CACNA2D1: variants seen among roughly 807,000 people sequenced by gnomAD.
CACNA2D1 encodes the protein voltage-dependent calcium channel subunit alpha-2/delta-1.
A neutral mutation model predicts 171.5 loss-of-function variants in CACNA2D1; 53 were observed. The observed-to-expected ratio is 0.31, with a 90% confidence interval of 0.25 to 0.39. CACNA2D1 has a LOEUF of 0.39. Ranked by LOEUF, CACNA2D1 falls within the 10% of genes least tolerant of loss-of-function variation. The pLI, the probability that CACNA2D1 is intolerant of heterozygous loss-of-function variation, is 1.00. For synonymous variants in CACNA2D1, 442 were observed against 443.1 expected (o/e 1.00, Z 0.03); for missense variants, 903 against 1,299.8 (o/e 0.69, Z 4.69).
rs200606876 is a variant in CACNA2D1, at chr7:81,950,530, A to C, written c.3160-22T>G. 1.3e-4 allele frequency: 210 copies of C among 1,595,412 alleles called. 1 individual carries two copies. Among genetic ancestry groups the C allele is most frequent in the Admixed American group, 6.5e-4 (37 of 57,114 alleles). On this transcript the variant is annotated intron_variant, in intron 38 of 38. Coordinates refer to ENST00000356860, the MANE Select transcript of CACNA2D1 (RefSeq NM_000722.4). ...CCTCCTGTTGTTAAAAAAAAAAGAA[A>C]AGAACAGAAAAAGAAAAATCTAAAA...
intron 3 of CACNA2D1, among the ~76,000 whole-genome samples, chr7:82,241,471 G>A (rs1804273828): frequency 6.6e-6 from 1 of 152,146 alleles, no homozygotes; most frequent in Non-Finnish European, 1.5e-5. Context: ...CTGAGGAAAA[G>A]CCAATACCCC....
At chr7:82,216,751 G>C (rs1326084767) in intron 3 of CACNA2D1, among the ~76,000 whole-genome samples, 1 of 151,848 alleles carries the variant, frequency 6.6e-6, no homozygotes, top group Non-Finnish European at 1.5e-5. Context: ...ATGAATCCAA[G>C]AGGAAAGACC....
chr7:82,362,989 T>A (rs1021948039), intron 1 of CACNA2D1, among the ~76,000 whole-genome samples: 2 of 152,164 alleles, frequency 1.3e-5, no homozygotes, highest in Non-Finnish European at 2.9e-5. Context: ...AAAGAAATGA[T>A]GGTATAATTG....
In CACNA2D1 at chr7:81,948,302, T is replaced by C. The variant is rs1792202806; in HGVS notation, c.*2090A>G. On this transcript the variant is annotated 3_prime_UTR_variant, in exon 39 of 39. Coordinates refer to ENST00000356860, the MANE Select transcript of CACNA2D1 (RefSeq NM_000722.4). ...ATTGTTACTAGAGTGAGAAGTTTTTTTCCCCACATATATTTTAAATCACTT... is the reference window on the plus strand; with the variant it reads ...ATTGTTACTAGAGTGAGAAGTTTTTCTCCCCACATATATTTTAAATCACTT... 1 of 151,874 alleles carries C rather than the reference T, an allele frequency of 6.6e-6. No individual in the cohort carries two copies. Among genetic ancestry groups the C allele is most frequent in the Admixed American group, 6.6e-5 (1 of 15,230 alleles). 9.4% of individuals were successfully genotyped at this position (151,874 alleles called of 1,614,324 possible).
chr7:81,984,149 C>T (rs988379069), intron 22 of CACNA2D1, among the ~76,000 whole-genome samples: 1 of 151,980 alleles, frequency 6.6e-6, no homozygotes, highest in Admixed American at 6.6e-5. Flanking sequence ...AAGACCAGTG[C>T]AATTTAATTT....
intron 3 of CACNA2D1, among the ~76,000 whole-genome samples, chr7:82,281,120 C>T (rs1417224040): frequency 6.6e-6 from 1 of 152,124 alleles, no homozygotes; most frequent in Non-Finnish European, 1.5e-5. Context: ...TAATCAAGTC[C>T]TCCATAATTT....
chr7:82,240,378 C>T (rs969660581), intron 3 of CACNA2D1, among the ~76,000 whole-genome samples: 1 of 152,170 alleles, frequency 6.6e-6, no homozygotes, highest in Admixed American at 6.5e-5. Context: ...TAAGCTCCAG[C>T]AGGAATTGAA....
intron 3 of CACNA2D1, among the ~76,000 whole-genome samples, chr7:82,206,896 T>C (rs1800052017): frequency 6.6e-6 from 1 of 152,182 alleles, no homozygotes; most frequent in Non-Finnish European, 1.5e-5. Flanking sequence ...CTTTAGAGAA[T>C]AAACATCTTT....
At chr7:82,119,992 G>C (rs3779450) in intron 5 of CACNA2D1, among the ~76,000 whole-genome samples, 12,749 of 152,168 alleles carry the variant, frequency 0.084, 594 homozygotes, top group Middle Eastern at 0.23. Flanking sequence ...GAACATCCTG[G>C]ACAACATAGT....
rs148920133 is a variant in CACNA2D1 at position 82,192,800 on chromosome 7, A to AAC, written c.295-22193_295-22192dup. The stretch of plus-strand genomic sequence containing the variant: ...AACTTTTCTTCTGTAACTCTAACTA[A>AAC]ACACACACACACACACACAAACACT... On this transcript the variant is annotated intron_variant, in intron 3 of 38. Transcript: ENST00000356860. Among the ~76,000 whole-genome samples the AAC allele has an allele frequency of 9.3e-3, 1,372 of 147,616 alleles. 16 individuals carry two copies. Among genetic ancestry groups the AAC allele is most frequent in the African/African-American group, 0.022 (900 of 40,192 alleles).
intron 1 of CACNA2D1, among the ~76,000 whole-genome samples, chr7:82,419,144 A>T (rs563126580): frequency 6.6e-6 from 1 of 151,938 alleles, no homozygotes; most frequent in Admixed American, 6.6e-5. Context: ...TTACATGCCT[A>T]AAAGTAAAGC....
chr7:82,252,259 T>A (rs1805731651), intron 3 of CACNA2D1, among the ~76,000 whole-genome samples: 1 of 152,160 alleles, frequency 6.6e-6, no homozygotes, highest in South Asian at 2.1e-4. Context: ...CTTGATGTAA[T>A]CCTTACAACT....
chr7:82,262,384 A>G (rs757371764), intron 3 of CACNA2D1, among the ~76,000 whole-genome samples: 42 of 152,240 alleles, frequency 2.8e-4, no homozygotes, highest in Middle Eastern at 3.4e-3. Flanking sequence ...AAAAACAGAT[A>G]TGTTATCCTT....
chr7:82,164,908 A>T (rs1396773626), intron 4 of CACNA2D1, among the ~76,000 whole-genome samples: 2 of 152,044 alleles, frequency 1.3e-5, no homozygotes, highest in African/African-American at 4.8e-5. Flanking sequence ...AATAAAATGT[A>T]GCTCAAGTTA....
At chr7:82,114,562 G>A (rs1470630218) in intron 6 of CACNA2D1, among the ~76,000 whole-genome samples, 1 of 151,988 alleles carries the variant, frequency 6.6e-6, no homozygotes, top group Non-Finnish European at 1.5e-5. Context: ...GGCCAACATG[G>A]TGAAACCCTG....
chr7:81,958,074 G>A (rs1017269016), intron 38 of CACNA2D1, among the ~76,000 whole-genome samples: 5 of 151,534 alleles, frequency 3.3e-5, no homozygotes, highest in Admixed American at 6.6e-5. Flanking sequence ...ACAGGAGTCC[G>A]CCTATCTGGA....
chr7:82,129,640 T>C (rs779591940), intron 5 of CACNA2D1, among the ~76,000 whole-genome samples: 15 of 152,242 alleles, frequency 9.9e-5, no homozygotes, highest in Admixed American at 3.3e-4. Flanking sequence ...TATTCAATGT[T>C]GTTTTTCTGC....
intron 3 of CACNA2D1, among the ~76,000 whole-genome samples, chr7:82,248,364 G>C (rs1236574693): frequency 6.6e-6 from 1 of 152,144 alleles, no homozygotes; most frequent in African/African-American, 2.4e-5. Context: ...GACCTGAGAA[G>C]AGAGGACAGC....
intron 7 of CACNA2D1, among the ~76,000 whole-genome samples, chr7:82,075,409 A>AC (rs1808842807): frequency 6.6e-6 from 1 of 152,206 alleles, no homozygotes; most frequent in East Asian, 1.9e-4. Flanking sequence ...AATCCTTTAG[A>AC]TGTCCCATAA....
Sources: allele counts gnomAD v4.1 joint callset (sites outside exome capture counted in the v4.1 genomes callset), GRCh38; gene constraint gnomAD v4.1.1; transcripts MANE v1.5; gene names NCBI Gene and HGNC (gene_info 2026-07-23, HGNC 2026-07-21).